WWOX: variants seen among roughly 807,000 people sequenced by gnomAD.
The protein encoded by WWOX is WW domain containing oxidoreductase.
WWOX carries 69 observed loss-of-function variants against 46.2 expected under a neutral mutation model. That is an observed-to-expected ratio of 1.49 (90% CI 1.23 to 1.82). The LOEUF is 1.82. WWOX is among the 40% of genes most tolerant of loss of function. WWOX has a pLI of 0.00. For missense variants in WWOX, 919 were observed against 542.6 expected, an observed-to-expected ratio of 1.69 and a Z score of -6.89; for synonymous variants, 359 against 202.6, an observed-to-expected ratio of 1.77 and a Z score of -6.56.
At chr16:78,486,464 C>A (rs1424041848) in intron 8 of WWOX, among the ~76,000 whole-genome samples, 1 of 152,204 alleles carries the variant, frequency 6.6e-6, no homozygotes, top group Non-Finnish European at 1.5e-5. Context: ...TGCCCAACAA[C>A]TAGGTCTTAA....
intron 8 of WWOX, among the ~76,000 whole-genome samples, chr16:78,619,769 C>T (rs141189614): frequency 6.6e-6 from 1 of 152,058 alleles, no homozygotes; most frequent in East Asian, 1.9e-4. Flanking sequence ...AAAAATGAGA[C>T]ATGGGGGTGC....
intron 5 of WWOX, among the ~76,000 whole-genome samples, chr16:78,304,339 C>G (rs1170766944): frequency 6.6e-6 from 1 of 152,164 alleles, no homozygotes; most frequent in Non-Finnish European, 1.5e-5. Context: ...TGACATTGTT[C>G]AACATTCAAA....
rs533450634 is a variant in WWOX, at chr16:78,905,540, C to G, written c.1057-306068C>G. On this transcript the variant is annotated intron_variant, in intron 8 of 8. Coordinates refer to ENST00000566780, the MANE Select transcript of WWOX (RefSeq NM_016373.4). Reference sequence around the variant, plus strand: ...GAGACCATAGGCATGTTCCACCACACCTAGTTAATTTTTTATTTTTTGTAG... The same window carrying G: ...GAGACCATAGGCATGTTCCACCACAGCTAGTTAATTTTTTATTTTTTGTAG... Among the ~76,000 whole-genome samples the G allele has an allele frequency of 2.6e-5, 4 of 152,204 alleles. No individual in the cohort carries two copies. In the South Asian group the frequency reaches 8.3e-4, roughly 32 times the overall value.
At chr16:78,743,768 T>C (rs2049285383) in intron 8 of WWOX, among the ~76,000 whole-genome samples, 1 of 152,300 alleles carries the variant, frequency 6.6e-6, no homozygotes, top group East Asian at 1.9e-4. Flanking sequence ...ATCAGACATT[T>C]GCATAGGAGT....
chr16:78,204,108 G>C (rs1285655973), intron 5 of WWOX, among the ~76,000 whole-genome samples: 1 of 152,196 alleles, frequency 6.6e-6, no homozygotes, highest in African/African-American at 2.4e-5. Flanking sequence ...GGGACAGTTT[G>C]TACTACCTGT....
At chr16:79,055,502 A>G (rs1404071959) in intron 8 of WWOX, among the ~76,000 whole-genome samples, 1 of 152,176 alleles carries the variant, frequency 6.6e-6, no homozygotes, top group Non-Finnish European at 1.5e-5. Flanking sequence ...GGAAATGGCC[A>G]ACCTCCATCC....
chr16:78,503,625 T>C (rs768849333), intron 8 of WWOX: 1 of 152,202 alleles, frequency 6.6e-6, no homozygotes, highest in African/African-American at 2.4e-5. Context: ...AGAAATAAGA[T>C]TTCTTCTTAA....
intron 8 of WWOX, among the ~76,000 whole-genome samples, chr16:78,634,549 T>C (rs1022840436): frequency 2.0e-5 from 3 of 151,770 alleles, no homozygotes; most frequent in Non-Finnish European, 4.4e-5. Flanking sequence ...CTACTAAAAA[T>C]ACAAAAATTA....
At chr16:79,108,518 T>A (rs2049353667) in intron 8 of WWOX, among the ~76,000 whole-genome samples, 1 of 152,270 alleles carries the variant, frequency 6.6e-6, no homozygotes, top group Non-Finnish European at 1.5e-5. Context: ...TGTGCAGTCC[T>A]GGATGAACCA....
chr16:78,951,313 G>T (rs2046055068), intron 8 of WWOX, among the ~76,000 whole-genome samples: 1 of 141,732 alleles, frequency 7.1e-6, no homozygotes, highest in Non-Finnish European at 1.5e-5. Context: ...AGGGAATATT[G>T]GTGGGAGAGA....
intron 8 of WWOX, among the ~76,000 whole-genome samples, chr16:78,932,821 A>G (rs2045653128): frequency 6.6e-6 from 1 of 152,154 alleles, no homozygotes; most frequent in Non-Finnish European, 1.5e-5. Context: ...ACAAACAGAC[A>G]AGGTGAGGAG....
chr16:78,181,618 T>C (rs1166840295), intron 5 of WWOX, among the ~76,000 whole-genome samples: 1 of 152,170 alleles, frequency 6.6e-6, no homozygotes, highest in East Asian at 1.9e-4. Flanking sequence ...TTTGGTTCTT[T>C]GCTATTGACG....
rs375782426 is a variant in WWOX, at chr16:78,568,778, A to G, written c.1056+136026A>G. Among the ~76,000 whole-genome samples the G allele has an allele frequency of 1.2e-3, 190 of 152,274 alleles. 1 individual carries two copies. The highest frequency in any genetic ancestry group is 4.4e-3 in the African/African-American group (184 of 41,562). On this transcript the variant is annotated intron_variant, in intron 8 of 8. Coordinates refer to ENST00000566780, the MANE Select transcript of WWOX (RefSeq NM_016373.4). Reference sequence around the variant, plus strand: ...GCATGAGCCACAGCGTCCAGCCCCAACTTCTTAAAAGCCAGAAACAACTGG... The same window carrying G: ...GCATGAGCCACAGCGTCCAGCCCCAGCTTCTTAAAAGCCAGAAACAACTGG...
intron 8 of WWOX, among the ~76,000 whole-genome samples, chr16:79,122,195 G>T (rs891604643): frequency 3.9e-5 from 6 of 152,144 alleles, no homozygotes; most frequent in African/African-American, 1.4e-4. Flanking sequence ...CTGTGAAGTT[G>T]TACCGCCTCT....
chr16:78,627,597 A>C (rs2046338824), intron 8 of WWOX, among the ~76,000 whole-genome samples: 8 of 152,210 alleles, frequency 5.3e-5, no homozygotes, highest in Admixed American at 5.2e-4. Flanking sequence ...AAAAAGAATA[A>C]AGAGGAAAAA....
intron 6 of WWOX, among the ~76,000 whole-genome samples, chr16:78,420,258 C>T (rs890767270): frequency 6.6e-6 from 1 of 152,108 alleles, no homozygotes; most frequent in African/African-American, 2.4e-5. Context: ...AATAATCCCA[C>T]TCCTAGATGT....
At chr16:78,301,841 C>T (rs898419922) in intron 5 of WWOX, among the ~76,000 whole-genome samples, 1 of 152,166 alleles carries the variant, frequency 6.6e-6, no homozygotes, top group Non-Finnish European at 1.5e-5. Flanking sequence ...GCCTTTCTTC[C>T]ACCTTCTTGG....
intron 8 of WWOX, among the ~76,000 whole-genome samples, chr16:78,703,764 C>A (rs2048275621): frequency 6.6e-6 from 1 of 152,034 alleles, no homozygotes; most frequent in African/African-American, 2.4e-5. Context: ...AACTACCTCA[C>A]TGATTTTGAC....
intron 8 of WWOX, among the ~76,000 whole-genome samples, chr16:78,976,711 C>A (rs2046579314): frequency 1.3e-5 from 2 of 152,192 alleles, no homozygotes; most frequent in South Asian, 4.1e-4. Context: ...CCACCAGGAG[C>A]TCACCAGATA....
Sources: allele counts gnomAD v4.1 joint callset (sites outside exome capture counted in the v4.1 genomes callset), GRCh38; gene constraint gnomAD v4.1.1; transcripts MANE v1.5; gene names NCBI Gene and HGNC (gene_info 2026-07-23, HGNC 2026-07-21).